The following SDK1 variants were observed in gnomAD, a reference collection of about 807,000 sequenced individuals.
SDK1 encodes protein sidekick-1.
Under a neutral mutation model 245.5 loss-of-function variants are expected in SDK1, and 157 were observed. That is an observed-to-expected ratio of 0.64 (90% CI 0.56 to 0.73). The LOEUF (loss-of-function observed/expected upper bound fraction) is 0.73, where lower values mean the gene tolerates loss of function less well. Ranked by LOEUF, SDK1 falls within the 30% of genes least tolerant of loss-of-function variation. The pLI, the probability that SDK1 is intolerant of heterozygous loss-of-function variation, is 0.00. For missense variants in SDK1, 3,583 were observed against 3,002.3 expected (o/e 1.19, Z -4.52); for synonymous variants, 1,647 against 1,278.5 (o/e 1.29, Z -6.15).
At chr7:4,251,323 C>T (rs1006247889) in intron 44 of SDK1, among the ~76,000 whole-genome samples, 2 of 152,174 alleles carry the variant, frequency 1.3e-5, no homozygotes, top group Admixed American at 1.3e-4. Flanking sequence ...CAAAAGAATA[C>T]AGAGCAAAAT....
intron 1 of SDK1, among the ~76,000 whole-genome samples, chr7:3,526,876 T>C (rs1392883273): frequency 6.6e-6 from 1 of 152,202 alleles, no homozygotes; most frequent in African/African-American, 2.4e-5. Context: ...ATTATGAAGA[T>C]ATTTGTCATT....
At chr7:4,051,542 T>C (rs1789478367) in intron 18 of SDK1, 96 bp from the exon 19 acceptor site, 1 of 1,092,506 alleles carries the variant, frequency 9.2e-7, no homozygotes, top group Middle Eastern at 2.9e-4. Flanking sequence ...ATTATGACTT[T>C]ACATTTTAAA....
intron 1 of SDK1, among the ~76,000 whole-genome samples, chr7:3,346,735 A>T (rs1158276427): frequency 2.2e-4 from 30 of 136,228 alleles, no homozygotes; most frequent in African/African-American, 8.1e-4. Context: ...ACATATATAT[A>T]TACACGTATA....
chr7:3,977,452 G>C (rs754576212), intron 13 of SDK1, among the ~76,000 whole-genome samples: 1 of 152,208 alleles, frequency 6.6e-6, no homozygotes, highest in Non-Finnish European at 1.5e-5. Flanking sequence ...TTTTGTGTAC[G>C]CATGGGGCAG....
intron 7 of SDK1, among the ~76,000 whole-genome samples, chr7:3,955,740 G>A (rs1002075480): frequency 6.6e-6 from 1 of 152,238 alleles, no homozygotes; most frequent in African/African-American, 2.4e-5. Flanking sequence ...ATTGGGGATG[G>A]GAGAGCAGGA....
intron 35 of SDK1, among the ~76,000 whole-genome samples, chr7:4,195,965 T>C (rs1584419912): frequency 6.6e-6 from 1 of 152,168 alleles, no homozygotes; most frequent in Non-Finnish European, 1.5e-5. Flanking sequence ...CATTACATAT[T>C]GTCAGAGGCT....
intron 4 of SDK1, among the ~76,000 whole-genome samples, chr7:3,710,390 A>T (rs1785015274): frequency 6.6e-6 from 1 of 152,210 alleles, no homozygotes; most frequent in Non-Finnish European, 1.5e-5. Flanking sequence ...TATTTTAATG[A>T]GACTGGGAAA....
At chr7:3,496,435 G>T (rs1182273713) in intron 1 of SDK1, among the ~76,000 whole-genome samples, 1 of 151,466 alleles carries the variant, frequency 6.6e-6, no homozygotes, top group South Asian at 2.1e-4. Context: ...CCTACAACTC[G>T]AGGTATCACG....
chr7:3,573,321 T>C (rs1780175831), intron 1 of SDK1, among the ~76,000 whole-genome samples: 1 of 152,052 alleles, frequency 6.6e-6, no homozygotes, highest in Non-Finnish European at 1.5e-5. Flanking sequence ...ACACATGTGA[T>C]TACGCAGAGG....
At chr7:4,003,101 G>A (rs1417296264) in intron 14 of SDK1, among the ~76,000 whole-genome samples, 2 of 152,266 alleles carry the variant, frequency 1.3e-5, no homozygotes, top group Non-Finnish European at 2.9e-5. Context: ...AGGAATCCCA[G>A]TGGCTTTAAC....
chr7:3,689,965 G>T (rs1427102513), intron 4 of SDK1, among the ~76,000 whole-genome samples: 1 of 152,188 alleles, frequency 6.6e-6, no homozygotes, highest in South Asian at 2.1e-4. Context: ...GATCATCCGT[G>T]TGGAAATGAA....
intron 1 of SDK1, among the ~76,000 whole-genome samples, chr7:3,571,699 G>C (rs1303723716): frequency 2.0e-5 from 3 of 152,054 alleles, no homozygotes; most frequent in African/African-American, 7.2e-5. Context: ...CCTTTTTGAA[G>C]TAATCTGCTT....
intron 1 of SDK1, among the ~76,000 whole-genome samples, chr7:3,407,430 T>C (rs1236461295): frequency 6.6e-6 from 1 of 152,174 alleles, no homozygotes; most frequent in Non-Finnish European, 1.5e-5. Context: ...TTGGTGACAG[T>C]GCCTTGGTTG....
intron 1 of SDK1, among the ~76,000 whole-genome samples, chr7:3,430,378 C>T (rs7800089): frequency 6.6e-6 from 1 of 151,950 alleles, no homozygotes; most frequent in Non-Finnish European, 1.5e-5. Flanking sequence ...AGACTACAAG[C>T]GTATTTCACA....
At chr7:3,531,003 G>A (rs964498138) in intron 1 of SDK1, among the ~76,000 whole-genome samples, 2 of 152,196 alleles carry the variant, frequency 1.3e-5, no homozygotes, top group Non-Finnish European at 2.9e-5. Context: ...TGTGGCTTGT[G>A]TTTGGAATTA....
intron 1 of SDK1, among the ~76,000 whole-genome samples, chr7:3,322,844 C>G (rs984418434): frequency 2.6e-5 from 4 of 152,166 alleles, no homozygotes; most frequent in African/African-American, 9.7e-5. Flanking sequence ...GTCTCTGTCT[C>G]TGTCGCCCAG....
At chr7:3,331,092 C>T (rs567487611) in intron 1 of SDK1, among the ~76,000 whole-genome samples, 296 of 152,064 alleles carry the variant, frequency 1.9e-3, no homozygotes, top group Non-Finnish European at 3.5e-3. Flanking sequence ...GGTGAAACCC[C>T]GTCTCTACTA....
chr7:4,127,137 T>A (rs597831), intron 25 of SDK1, among the ~76,000 whole-genome samples: 54,274 of 152,082 alleles, frequency 0.36, 10,028 homozygotes, highest in Middle Eastern at 0.41. Flanking sequence ...AGCATCTTTT[T>A]TTTCTTGCTT....
At chr7:3,572,588 A>C (rs552295127) in intron 1 of SDK1, among the ~76,000 whole-genome samples, 2 of 152,032 alleles carry the variant, frequency 1.3e-5, no homozygotes, top group Non-Finnish European at 2.9e-5. Context: ...TGTGAGCCCA[A>C]TGCATGGTGG....
Sources: gnomAD v4.1 joint callset for allele counts (sites outside exome capture counted in the v4.1 genomes callset) on GRCh38, gnomAD v4.1.1 for gene constraint, MANE v1.5 for transcripts, NCBI Gene and HGNC (gene_info 2026-07-23, HGNC 2026-07-21) for gene names.